Variants in CDH18 observed in about 807,000 individuals in gnomAD.
The protein encoded by CDH18 is cadherin 18.
CDH18 carries 31 observed loss-of-function variants against 67.9 expected under a neutral mutation model. That is an observed-to-expected ratio of 0.46 (90% confidence interval 0.34 to 0.62). The LOEUF is 0.62. Ranked by LOEUF, CDH18 falls within the 20% of genes least tolerant of loss-of-function variation. CDH18 has a pLI of 0.01. For synonymous variants in CDH18, 362 were observed against 347.2 expected (o/e 1.04, Z -0.48); for missense variants, 890 against 975.5 (o/e 0.91, Z 1.17).
chr5:19,592,790 T>TG (rs1342268241), intron 6 of CDH18, among the ~76,000 whole-genome samples: 1 of 152,148 alleles, frequency 6.6e-6, no homozygotes, highest in East Asian at 1.9e-4. Context: ...TTTTGCATAA[T>TG]GACAATTTTA....
In CDH18 at chr5:20,081,556, C is replaced by A. The variant is rs78074379; in HGVS notation, c.-517-89542G>T. Among the ~76,000 whole-genome samples, 432 of 152,202 alleles carry A rather than the reference C, an allele frequency of 2.8e-3. 2 individuals are homozygous for A. The highest frequency in any genetic ancestry group is 0.018 in the South Asian group (87 of 4,826). On this transcript the variant is annotated intron_variant, in intron 2 of 14. Coordinates refer to the CDH18 transcript ENST00000507958. Reference sequence around the variant, plus strand: ...AGACATGGGATCTACCTAGGTGTCCCTTAACAGTAGACTGAATAAAGAAAA... The same window carrying A: ...AGACATGGGATCTACCTAGGTGTCCATTAACAGTAGACTGAATAAAGAAAA...
chr5:20,142,708 G>T (rs1750338698), intron 2 of CDH18, among the ~76,000 whole-genome samples: 1 of 152,082 alleles, frequency 6.6e-6, no homozygotes. Context: ...CAGTGACGGG[G>T]TGACAGTCTA....
chr5:20,432,945 C>T (rs1228899967), intron 1 of CDH18, among the ~76,000 whole-genome samples: 1 of 148,220 alleles, frequency 6.7e-6, no homozygotes, highest in African/African-American at 2.5e-5. Context: ...ATATTTTATA[C>T]ATATATAATG....
intron 3 of CDH18, among the ~76,000 whole-genome samples, chr5:19,762,344 C>G (rs1772471543): frequency 6.6e-6 from 1 of 152,148 alleles, no homozygotes; most frequent in South Asian, 2.1e-4. Context: ...ATCTCCTCAT[C>G]TGTCAAAGGG....
At chr5:19,956,756 T>C (rs1796294223) in intron 2 of CDH18, among the ~76,000 whole-genome samples, 1 of 151,912 alleles carries the variant, frequency 6.6e-6, no homozygotes, top group Admixed American at 6.6e-5. Flanking sequence ...TTTGTGATGC[T>C]CAGTAAAATA....
At chr5:20,139,765 G>A (rs1750075910) in intron 2 of CDH18, among the ~76,000 whole-genome samples, 1 of 152,116 alleles carries the variant, frequency 6.6e-6, no homozygotes, top group South Asian at 2.1e-4. Context: ...AAACCACAAT[G>A]AGATACCATC....
At chr5:20,156,489 C>T (rs1751540815) in intron 2 of CDH18, among the ~76,000 whole-genome samples, 1 of 152,100 alleles carries the variant, frequency 6.6e-6, no homozygotes, top group Admixed American at 6.6e-5. Flanking sequence ...CAGTCAAATA[C>T]CGTATGTTCT....
chr5:19,884,824 ACTCTTT>A (rs1385086781), intron 2 of CDH18, among the ~76,000 whole-genome samples: 1 of 152,032 alleles, frequency 6.6e-6, no homozygotes, highest in African/African-American at 2.4e-5. Flanking sequence ...TTAAACAGTC[ACTCTTT>A]CTCTTTCCAC....
chr5:19,673,351 A>C (rs923779497), intron 5 of CDH18, among the ~76,000 whole-genome samples: 6 of 152,090 alleles, frequency 3.9e-5, no homozygotes, highest in Non-Finnish European at 5.9e-5. Context: ...TATTTTAGCA[A>C]ATAAAGTTAT....
intron 1 of CDH18, among the ~76,000 whole-genome samples, chr5:20,321,713 T>G (rs1309332364): frequency 6.6e-6 from 1 of 152,140 alleles, no homozygotes; most frequent in Non-Finnish European, 1.5e-5. Flanking sequence ...TTTCCCATAA[T>G]TTCCTTCAGA....
chr5:19,777,407 A>C (rs1436657616), intron 3 of CDH18, among the ~76,000 whole-genome samples: 2 of 152,234 alleles, frequency 1.3e-5, no homozygotes. Flanking sequence ...ATGGAAGGCA[A>C]TCCAGTTTGG....
intron 5 of CDH18, among the ~76,000 whole-genome samples, chr5:19,624,515 T>A: frequency 6.6e-6 from 1 of 152,336 alleles, no homozygotes; most frequent in Admixed American, 6.5e-5. Context: ...CAGAGATATG[T>A]ATATGCTTTT....
At chr5:20,570,164 T>C (rs543265020) in intron 1 of CDH18, among the ~76,000 whole-genome samples, 10 of 152,212 alleles carry the variant, frequency 6.6e-5, no homozygotes, top group Non-Finnish European at 1.3e-4. Flanking sequence ...TCAACTCTAA[T>C]ATAAACTATG....
At chr5:19,532,283 C>A (rs934744673) in intron 9 of CDH18, among the ~76,000 whole-genome samples, 2 of 152,024 alleles carry the variant, frequency 1.3e-5, no homozygotes, top group Non-Finnish European at 2.9e-5. Context: ...TATTGAAATA[C>A]TAAATATTAT....
intron 7 of CDH18, among the ~76,000 whole-genome samples, chr5:19,576,722 C>A (rs1359695576): frequency 6.6e-6 from 1 of 152,106 alleles, no homozygotes; most frequent in Non-Finnish European, 1.5e-5. Context: ...TAGGATCCAG[C>A]AATCCCCTGA....
chr5:19,657,038 G>A (rs1415077830), intron 5 of CDH18, among the ~76,000 whole-genome samples: 2 of 151,992 alleles, frequency 1.3e-5, no homozygotes, highest in Non-Finnish European at 2.9e-5. Flanking sequence ...AATAATATTA[G>A]TCTTAGGTCT....
At chr5:19,781,410 G>A (rs981640298) in intron 3 of CDH18, among the ~76,000 whole-genome samples, 2 of 152,028 alleles carry the variant, frequency 1.3e-5, no homozygotes, top group Non-Finnish European at 2.9e-5. Flanking sequence ...ATGGAAATAT[G>A]TGTATGACCT....
At chr5:20,311,710 G>A (rs931029010) in intron 1 of CDH18, among the ~76,000 whole-genome samples, 1 of 152,020 alleles carries the variant, frequency 6.6e-6, no homozygotes, top group Non-Finnish European at 1.5e-5. Context: ...GAGTTGATGG[G>A]TGCAGCAAAC....
At chr5:20,329,709 G>T (rs767691423) in intron 1 of CDH18, among the ~76,000 whole-genome samples, 33 of 137,690 alleles carry the variant, frequency 2.4e-4, no homozygotes, top group Non-Finnish European at 4.4e-4. Context: ...GGCGGAGGTT[G>T]CAGTGAGCCA....
Sources: gnomAD v4.1 joint callset for allele counts (sites outside exome capture counted in the v4.1 genomes callset) on GRCh38, gnomAD v4.1.1 for gene constraint, MANE v1.5 for transcripts, NCBI Gene and HGNC (gene_info 2026-07-23, HGNC 2026-07-21) for gene names.